Variants in NALCN observed in about 807,000 individuals in gnomAD.
NALCN encodes sodium leak channel NALCN.
Under a neutral mutation model 225.3 loss-of-function variants are expected in NALCN, and 111 were observed. That is an observed-to-expected ratio of 0.49 (90% CI 0.42 to 0.58). The LOEUF is 0.58. NALCN is among the 20% of genes least tolerant of loss of function. The probability of loss-of-function intolerance (pLI) is 0.00; values close to 1 mark genes in which losing one functional copy is unlikely to be tolerated. For missense variants in NALCN, 1,378 were observed against 2,202.4 expected (o/e 0.63, Z 7.49); for synonymous variants, 764 against 769.0 (o/e 0.99, Z 0.11).
intron 18 of NALCN, among the ~76,000 whole-genome samples, chr13:101,111,873 T>C (rs548120584): frequency 2.6e-5 from 4 of 152,276 alleles, no homozygotes; most frequent in Admixed American, 2.6e-4. Flanking sequence ...GGTATGTCTT[T>C]ACTAGCAGCA....
At chr13:101,294,090 A>C (rs776029754) in intron 7 of NALCN, among the ~76,000 whole-genome samples, 1 of 152,196 alleles carries the variant, frequency 6.6e-6, no homozygotes, top group African/African-American at 2.4e-5. Flanking sequence ...GAAGGTCTCC[A>C]AGGTGGAAAG....
At chr13:101,291,024 T>C (rs946166075) in intron 9 of NALCN, among the ~76,000 whole-genome samples, 1 of 152,154 alleles carries the variant, frequency 6.6e-6, no homozygotes, top group African/African-American at 2.4e-5. Flanking sequence ...AACAAAGGCA[T>C]TGGATCTGAA....
intron 3 of NALCN, among the ~76,000 whole-genome samples, chr13:101,381,776 G>A (rs2046855187): frequency 6.6e-6 from 1 of 151,860 alleles, no homozygotes; most frequent in Non-Finnish European, 1.5e-5. Context: ...GTTGACAAGT[G>A]TCATGAAGAA....
At chr13:101,112,378 T>C (rs2035488699) in intron 18 of NALCN, among the ~76,000 whole-genome samples, 1 of 152,174 alleles carries the variant, frequency 6.6e-6, no homozygotes, top group East Asian at 1.9e-4. Flanking sequence ...GTGAAGACAA[T>C]TGGGTGGCCT....
At chr13:101,331,361 TTAGA>T (rs1336955547) in intron 7 of NALCN, among the ~76,000 whole-genome samples, 4 of 152,020 alleles carry the variant, frequency 2.6e-5, no homozygotes, top group South Asian at 4.1e-4. Context: ...TGAAACAGAA[TTAGA>T]TAGAAATATT....
intron 31 of NALCN, 114 bp from the exon 32 acceptor site, chr13:101,083,312 A>C (rs747686697): frequency 1.1e-4 from 97 of 874,274 alleles, no homozygotes; most frequent in Non-Finnish European, 1.7e-4. Flanking sequence ...CTCCCCAAAC[A>C]GTTCCGTCTA....
In NALCN at chr13:101,229,358, A is replaced by G. The variant is rs760054740; in HGVS notation, c.1626+35T>C. 3 of 1,479,166 alleles carry G rather than the reference A, an allele frequency of 2.0e-6. No homozygotes were observed. In the African/African-American group the frequency reaches 4.3e-5, roughly 21 times the overall value. 91.6% of individuals were successfully genotyped at this position (1,479,166 alleles called of 1,614,324 possible). ...AATCATTATTACTAAAATAAGAACA[A>G]TGAATTTAACTTACTGCATTTTTAA... On this transcript the variant is annotated intron_variant, in intron 13 of 43. Transcript: ENST00000251127.
rs1354484099 is a variant in NALCN at position 101,054,647 on chromosome 13, C to G, written c.*648G>C. 1 of 152,168 alleles carries G rather than the reference C, an allele frequency of 6.6e-6. No individual in the cohort carries two copies. The highest frequency in any genetic ancestry group is 1.5e-5 in the Non-Finnish European group (1 of 68,028). The allele number at this position is 152,168 out of a possible 1,614,324, so 9.4% of individuals were successfully genotyped here. ...GCCTGGTGCTTGCACACACAATTTT[C>G]TTAGAAGGAGGCAACAGTTTCATTA... On this transcript the variant is annotated 3_prime_UTR_variant, in exon 44 of 44. Coordinates refer to ENST00000251127, the MANE Select transcript of NALCN (RefSeq NM_052867.4).
chr13:101,083,308 A>T lies in NALCN; in HGVS notation c.3584-110T>A, dbSNP rs535688072. The T allele has an allele frequency of 5.0e-5, 46 of 922,960 alleles. 2 individuals carry two copies. In the South Asian group the frequency reaches 7.3e-4, roughly 15 times the overall value. The allele number at this position is 922,960 out of a possible 1,614,324, so 57.2% of individuals were successfully genotyped here. On this transcript the variant is annotated intron_variant, in intron 31 of 43. Transcript: ENST00000251127. The stretch of plus-strand genomic sequence containing the variant: ...TAAAACCCATTACATTTTTCTCCCC[A>T]AACAGTTCCGTCTATTGTGAGGTGT...
intron 7 of NALCN, among the ~76,000 whole-genome samples, chr13:101,301,512 G>A (rs573365305): frequency 2.3e-3 from 356 of 152,264 alleles, no homozygotes; most frequent in Non-Finnish European, 4.1e-3. Context: ...CATGAGGTCA[G>A]GAGCTTGAGA....
chr13:101,391,946 T>C (rs983931906), intron 3 of NALCN, among the ~76,000 whole-genome samples: 1 of 147,828 alleles, frequency 6.8e-6, no homozygotes, highest in African/African-American at 2.5e-5. Flanking sequence ...AATGAACCAC[T>C]GCACTCCAGC....
At chr13:101,404,518 G>C (rs969535967) in intron 1 of NALCN, among the ~76,000 whole-genome samples, 29 of 152,284 alleles carry the variant, frequency 1.9e-4, no homozygotes, top group African/African-American at 6.7e-4. Flanking sequence ...CAAAGAATTT[G>C]TTGAGCACAT....
chr13:101,398,946 T>A (rs530434454), intron 2 of NALCN, 73 bp downstream of exon 2: 2 of 974,066 alleles, frequency 2.1e-6, no homozygotes, highest in Admixed American at 1.8e-5. Context: ...CAAAGGTACA[T>A]GATATTTGAA....
At chr13:101,120,090 C>T (rs1244580913) in intron 18 of NALCN, among the ~76,000 whole-genome samples, 2 of 152,188 alleles carry the variant, frequency 1.3e-5, no homozygotes, top group Non-Finnish European at 2.9e-5. Context: ...CTCTAGGGCC[C>T]TTCCTCTCTG....
intron 7 of NALCN, among the ~76,000 whole-genome samples, chr13:101,304,735 G>A (rs1204936526): frequency 6.6e-6 from 1 of 150,808 alleles, no homozygotes; most frequent in Non-Finnish European, 1.5e-5. Context: ...ACCACACCTG[G>A]CCTGGAATAA....
intron 10 of NALCN, among the ~76,000 whole-genome samples, chr13:101,281,557 C>T (rs551170624): frequency 1.3e-4 from 20 of 152,268 alleles, no homozygotes; most frequent in South Asian, 8.3e-4. Flanking sequence ...GCATAGTCAA[C>T]ATCAAATATA....
intron 10 of NALCN, among the ~76,000 whole-genome samples, chr13:101,276,045 A>G (rs2042960265): frequency 7.4e-6 from 1 of 134,296 alleles, no homozygotes; most frequent in African/African-American, 2.7e-5. Flanking sequence ...GCCTGATGAC[A>G]GAGCGAGACT....
Position 101,065,484 on chromosome 13 carries a change from G to C in NALCN, c.4524C>G (p.Asp1508Glu). ...AGCACATGTGCTTAAACAGGAGCTT[G>C]TCCTTGTCCAGGTCCACCTCCAGCC... ...RGRLEVDLDK[D>E]KLLFKHMCYE... Residue 1508 changes from aspartate (D) to glutamate (E), a missense_variant, in exon 40 of 44, where the codon GAC becomes GAG. This residue lies in a region of NALCN where 94 missense variants were observed against 170.3 expected (regional missense o/e 0.55). Transcript: ENST00000251127. 1 of 1,614,184 alleles carries C rather than the reference G, an allele frequency of 6.2e-7. No homozygotes were observed.
intron 12 of NALCN, among the ~76,000 whole-genome samples, chr13:101,230,047 A>C (rs1301402636): frequency 6.6e-6 from 1 of 152,208 alleles, no homozygotes; most frequent in Non-Finnish European, 1.5e-5. Flanking sequence ...TGCATAAAAA[A>C]ACTATTAAGA....
Sources: allele counts gnomAD v4.1 joint callset (sites outside exome capture counted in the v4.1 genomes callset), GRCh38; gene constraint gnomAD v4.1.1; regional missense constraint gnomAD v4.1.1; transcripts MANE v1.5; gene names NCBI Gene and HGNC (gene_info 2026-07-23, HGNC 2026-07-21).